PSMA1: variants seen among roughly 807,000 people sequenced by gnomAD.
PSMA1 encodes proteasome subunit alpha type-1.
PSMA1 carries 3 observed loss-of-function variants against 38.4 expected under a neutral mutation model. The observed-to-expected ratio is 0.08, with a 90% CI of 0.04 to 0.20. The LOEUF (loss-of-function observed/expected upper bound fraction) is 0.20, where lower values mean the gene tolerates loss of function less well. PSMA1 is among the 10% of genes least tolerant of loss of function. PSMA1 has a pLI of 1.00. For synonymous variants in PSMA1, 101 were observed against 107.1 expected, an observed-to-expected ratio of 0.94 and a Z score of 0.35; for missense variants, 227 against 325.3, an observed-to-expected ratio of 0.70 and a Z score of 2.32.
intron 2 of PSMA1, among the ~76,000 whole-genome samples, chr11:14,592,376 C>CTCTCTATA (rs1201045926): frequency 2.0e-4 from 25 of 122,398 alleles, no homozygotes; most frequent in Middle Eastern, 8.8e-3. Flanking sequence ...CTCTCTCTCT[C>CTCTCTATA]TATATATATA....
At chr11:14,577,027 A>C (rs1185571395) in intron 2 of PSMA1, among the ~76,000 whole-genome samples, 2 of 152,100 alleles carry the variant, frequency 1.3e-5, no homozygotes, top group African/African-American at 4.8e-5. Context: ...TAGGTATTTT[A>C]TTCTCTTTGA....
At chr11:14,593,073 CA>C (rs1177861876) in intron 2 of PSMA1, among the ~76,000 whole-genome samples, 13 of 152,302 alleles carry the variant, frequency 8.5e-5, no homozygotes, top group African/African-American at 2.4e-4. Context: ...AGTGAATGTA[CA>C]AAACACTGTG....
chr11:14,589,341 A>ATG (rs1189539259), intron 2 of PSMA1, among the ~76,000 whole-genome samples: 121 of 146,782 alleles, frequency 8.2e-4, no homozygotes, highest in African/African-American at 2.6e-3. Context: ...ATATATATAT[A>ATG]TGTGTGTGTG....
intron 2 of PSMA1, among the ~76,000 whole-genome samples, chr11:14,562,349 A>T (rs1852019017): frequency 6.6e-6 from 1 of 152,194 alleles, no homozygotes; most frequent in African/African-American, 2.4e-5. Context: ...GCTACTTTGA[A>T]GGAGGTCTCT....
At chr11:14,514,827 T>C (rs1164778773) in intron 4 of PSMA1, among the ~76,000 whole-genome samples, 1 of 152,228 alleles carries the variant, frequency 6.6e-6, no homozygotes, top group Non-Finnish European at 1.5e-5. Context: ...GTCGTAATTC[T>C]AGATCTCGAA....
intron 2 of PSMA1, among the ~76,000 whole-genome samples, chr11:14,535,455 T>C (rs190248516): frequency 0.012 from 1,827 of 151,578 alleles, 18 homozygotes; most frequent in South Asian, 0.031. Flanking sequence ...TTTTTTTTTT[T>C]TTTTTGAGAC....
chr11:14,506,867 C>T (rs530126482), intron 9 of PSMA1, among the ~76,000 whole-genome samples: 15 of 152,332 alleles, frequency 9.8e-5, no homozygotes, highest in African/African-American at 3.1e-4. Context: ...CCTGAAACTA[C>T]GTGGACAGAG....
At chr11:14,526,212 C>G (rs1163535030) in intron 2 of PSMA1, among the ~76,000 whole-genome samples, 1 of 152,094 alleles carries the variant, frequency 6.6e-6, no homozygotes, top group African/African-American at 2.4e-5. Context: ...CTAACAAAAC[C>G]ATTATATAAA....
chr11:14,512,309 G>A (rs1287961360), intron 7 of PSMA1, among the ~76,000 whole-genome samples: 1 of 152,082 alleles, frequency 6.6e-6, no homozygotes, highest in Non-Finnish European at 1.5e-5. Flanking sequence ...GGGAGGCAGA[G>A]GTTGCAATAA....
chr11:14,531,692 T>TCAAGTGACAAGTGACAAGTGA (rs2134159589), intron 2 of PSMA1, among the ~76,000 whole-genome samples: 1 of 152,220 alleles, frequency 6.6e-6, no homozygotes, highest in East Asian at 1.9e-4. Flanking sequence ...ACTCCTGAGC[T>TCAAGTGACAAGTGACAAGTGA]CAAGTGATCC....
intron 1 of PSMA1, among the ~76,000 whole-genome samples, chr11:14,614,451 C>CCTAGAT (rs1367827291): frequency 6.6e-6 from 1 of 151,920 alleles, no homozygotes; most frequent in Non-Finnish European, 1.5e-5. Flanking sequence ...ATATCTGGCT[C>CCTAGAT]CTAGATCTCT....
intron 2 of PSMA1, among the ~76,000 whole-genome samples, chr11:14,546,290 G>A (rs530587449): frequency 1.3e-5 from 2 of 152,048 alleles, no homozygotes; most frequent in Non-Finnish European, 2.9e-5. Context: ...GATTTTGATT[G>A]TGACCCTCCC....
intron 2 of PSMA1, among the ~76,000 whole-genome samples, chr11:14,538,973 G>A (rs1851741610): frequency 6.6e-6 from 1 of 152,216 alleles, no homozygotes; most frequent in Admixed American, 6.5e-5. Flanking sequence ...ATTTAAGTGG[G>A]AACTTCTCTG....
At chr11:14,622,688 G>A (rs1219690464) in intron 1 of PSMA1, among the ~76,000 whole-genome samples, 2 of 152,166 alleles carry the variant, frequency 1.3e-5, no homozygotes, top group South Asian at 2.1e-4. Flanking sequence ...TGGAGGCGGC[G>A]TATTCCAAAC....
At chr11:14,598,562 T>C (rs1852533612) in intron 2 of PSMA1, among the ~76,000 whole-genome samples, 1 of 145,604 alleles carries the variant, frequency 6.9e-6, no homozygotes. Flanking sequence ...GAGACTAGGA[T>C]TGCAACCCCT....
chr11:14,513,365 A>G, intron 7 of PSMA1: 1 of 483,616 alleles, frequency 2.1e-6, no homozygotes, highest in Non-Finnish European at 3.2e-6. Context: ...AAAAAGTTCT[A>G]CTCGTGCTTG....
chr11:14,563,020 T>C (rs1313380495), intron 2 of PSMA1, among the ~76,000 whole-genome samples: 1 of 152,204 alleles, frequency 6.6e-6, no homozygotes, highest in Non-Finnish European at 1.5e-5. Context: ...CAAGCAAAGA[T>C]GGCTATGCAT....
intron 2 of PSMA1, among the ~76,000 whole-genome samples, chr11:14,550,638 A>G (rs947813215): frequency 6.6e-6 from 1 of 152,202 alleles, no homozygotes; most frequent in Admixed American, 6.5e-5. Context: ...TAAGGCAAGC[A>G]AAAGGATTCT....
At chr11:14,531,978 T>C (rs1298453069) in intron 2 of PSMA1, among the ~76,000 whole-genome samples, 1 of 152,170 alleles carries the variant, frequency 6.6e-6, no homozygotes, top group Non-Finnish European at 1.5e-5. Flanking sequence ...CCACTTGCTG[T>C]TCCCCTGCCC....
Sources: gnomAD v4.1 joint callset for allele counts (sites outside exome capture counted in the v4.1 genomes callset) on GRCh38, gnomAD v4.1.1 for gene constraint, MANE v1.5 for transcripts, NCBI Gene and HGNC (gene_info 2026-07-23, HGNC 2026-07-21) for gene names.